Variants in CSMD1 observed in about 807,000 individuals in gnomAD.
CSMD1 encodes CUB and sushi domain-containing protein 1.
In CSMD1, 213 loss-of-function variants were observed where a neutral mutation model predicts 417.5. The observed-to-expected ratio is 0.51, with a 90% confidence interval of 0.46 to 0.57. The LOEUF (loss-of-function observed/expected upper bound fraction) is 0.57, where lower values mean the gene tolerates loss of function less well. Ranked by LOEUF, CSMD1 falls within the 20% of genes least tolerant of loss-of-function variation. The pLI, the probability that CSMD1 is intolerant of heterozygous loss-of-function variation, is 0.00. For synonymous variants in CSMD1, 2,862 were observed against 1,736.8 expected (o/e 1.65, Z -16.11); for missense variants, 6,923 against 4,529.7 (o/e 1.53, Z -15.17).
chr8:3,099,985 T>C (rs1015683147), intron 46 of CSMD1, among the ~76,000 whole-genome samples: 1 of 152,196 alleles, frequency 6.6e-6, no homozygotes, highest in African/African-American at 2.4e-5. Context: ...TTTTCAGTCA[T>C]ACATATTGTT....
chr8:3,576,611 A>C lies in CSMD1; in HGVS notation c.1223-1545T>G, dbSNP rs551835851. Among the ~76,000 whole-genome samples, 9 of 152,366 alleles carry C rather than the reference A, an allele frequency of 5.9e-5. No individual in the cohort carries two copies. In the South Asian group the frequency reaches 1.9e-3, roughly 32 times the overall value. On this transcript the variant is annotated intron_variant, in intron 9 of 69. Transcript: ENST00000635120. ...TAAAATGCTGGCATTTACTGTCCAA[A>C]TGAAAAACAAACATGGGTAAAACAT...
intron 3 of CSMD1, among the ~76,000 whole-genome samples, chr8:4,042,016 A>T (rs1393618214): frequency 1.3e-5 from 2 of 152,232 alleles, no homozygotes; most frequent in Admixed American, 6.5e-5. Flanking sequence ...CTAAGAGCAC[A>T]GAGAATCAAT....
chr8:3,629,862 T>C (rs1796690262), intron 7 of CSMD1, among the ~76,000 whole-genome samples: 1 of 152,194 alleles, frequency 6.6e-6, no homozygotes, highest in Non-Finnish European at 1.5e-5. Context: ...CAAACAAAAC[T>C]AGTTGTACAG....
chr8:4,517,974 C>A (rs1446365090), intron 2 of CSMD1, among the ~76,000 whole-genome samples: 1 of 152,076 alleles, frequency 6.6e-6, no homozygotes, highest in Admixed American at 6.6e-5. Flanking sequence ...AAATTCTAAA[C>A]CTGTTCTATT....
chr8:4,877,341 A>T (rs1803106757), intron 1 of CSMD1, among the ~76,000 whole-genome samples: 1 of 152,104 alleles, frequency 6.6e-6, no homozygotes, highest in Non-Finnish European at 1.5e-5. Context: ...GGGTTAAGAT[A>T]AATTATGTTA....
At chr8:4,514,221 G>A (rs1371022251) in intron 2 of CSMD1, among the ~76,000 whole-genome samples, 3 of 152,124 alleles carry the variant, frequency 2.0e-5, no homozygotes, top group African/African-American at 7.2e-5. Flanking sequence ...AGGGGATGGG[G>A]AGGTTTCCTC....
intron 3 of CSMD1, among the ~76,000 whole-genome samples, chr8:4,216,989 CTTCT>C (rs1800719346): frequency 6.6e-6 from 1 of 152,140 alleles, no homozygotes; most frequent in Non-Finnish European, 1.5e-5. Flanking sequence ...ACGGTTAAGA[CTTCT>C]CTAACTAGAA....
intron 7 of CSMD1, among the ~76,000 whole-genome samples, chr8:3,637,802 G>A (rs187750806): frequency 1.3e-5 from 2 of 152,264 alleles, no homozygotes; most frequent in African/African-American, 2.4e-5. Context: ...GGACCCAGTG[G>A]GAAGTAATTG....
At chr8:4,134,247 T>C (rs1585389317) in intron 3 of CSMD1, among the ~76,000 whole-genome samples, 6 of 152,320 alleles carry the variant, frequency 3.9e-5, no homozygotes, top group Admixed American at 3.3e-4. Context: ...CGTATGCTGA[T>C]ATATTAAATG....
rs1169161674 is a variant in CSMD1 at position 4,062,845 on chromosome 8, A to G, written c.416-30746T>C. Among the ~76,000 whole-genome samples, 4 of 152,084 alleles carry G rather than the reference A, an allele frequency of 2.6e-5. No individual in the cohort carries two copies. The East Asian group carries it at 7.7e-4, about 29-fold the overall frequency. ...TTAGGTCTTTGTGTGTCAAAACCCTACCAGCCAAGAGAAATGAAAGCCTGT... is the reference window on the plus strand; with the variant it reads ...TTAGGTCTTTGTGTGTCAAAACCCTGCCAGCCAAGAGAAATGAAAGCCTGT... On this transcript the variant is annotated intron_variant, in intron 3 of 69. Coordinates refer to ENST00000635120, the MANE Select transcript of CSMD1 (RefSeq NM_033225.6).
At position 3,493,064 on chromosome 8, in the gene CSMD1, T is replaced by G. The variant is rs1289999029; in HGVS notation, c.1448+559A>C. ...TCCCCAACACTTTGGGAGGCTGAAG[T>G]GGGCAAATCACCAGAGGTCAGGAGT... On this transcript the variant is annotated intron_variant, in intron 11 of 69. Coordinates refer to ENST00000635120, the MANE Select transcript of CSMD1 (RefSeq NM_033225.6). Among the ~76,000 whole-genome samples, 4 of 152,082 alleles carry G rather than the reference T, an allele frequency of 2.6e-5. No homozygotes were observed. In the East Asian group the frequency reaches 5.8e-4, roughly 22 times the overall value.
chr8:3,902,506 C>T (rs1807823444), intron 5 of CSMD1, among the ~76,000 whole-genome samples: 1 of 152,082 alleles, frequency 6.6e-6, no homozygotes, highest in African/African-American at 2.4e-5. Flanking sequence ...GAAACTTCCA[C>T]CTGAGATCAT....
At chr8:3,572,578 T>C (rs1278727738) in intron 10 of CSMD1, among the ~76,000 whole-genome samples, 2 of 152,214 alleles carry the variant, frequency 1.3e-5, no homozygotes, top group Non-Finnish European at 2.9e-5. Context: ...ACCATTCCCT[T>C]GATTTGATCT....
Position 3,290,357 on chromosome 8 carries a change from T to C in CSMD1, c.3951-6011A>G, listed in dbSNP as rs996806195. 8.2e-5 allele frequency among the ~76,000 whole-genome samples: 12 copies of C among 146,948 alleles called. 2 individuals carry two copies. Among genetic ancestry groups the C allele is most frequent in the African/African-American group, 2.7e-4 (10 of 36,860 alleles). On this transcript the variant is annotated intron_variant, in intron 25 of 69. Coordinates refer to ENST00000635120, the MANE Select transcript of CSMD1 (RefSeq NM_033225.6). ...ACTTTAAAGTAGTTTTTTCTAATTC[T>C]GTGAAGAAAGTCATTGGTAACTTGA...
intron 1 of CSMD1, among the ~76,000 whole-genome samples, chr8:4,754,767 T>C (rs924517994): frequency 2.0e-5 from 3 of 152,100 alleles, no homozygotes; most frequent in African/African-American, 7.2e-5. Context: ...GAGATTCGTT[T>C]GAACCCAGGA....
At chr8:4,930,252 A>C (rs1807157901) in intron 1 of CSMD1, among the ~76,000 whole-genome samples, 3 of 152,192 alleles carry the variant, frequency 2.0e-5, no homozygotes, top group African/African-American at 7.2e-5. Context: ...CTAACTAATC[A>C]CACAAATATT....
intron 2 of CSMD1, among the ~76,000 whole-genome samples, chr8:4,459,747 G>C (rs558475500): frequency 4.1e-4 from 62 of 152,298 alleles, no homozygotes; most frequent in African/African-American, 1.4e-3. Flanking sequence ...ATTTATTAGT[G>C]ATTCAGCCTC....
Position 4,212,227 on chromosome 8 carries a change from T to C in CSMD1, c.416-180128A>G, listed in dbSNP as rs148605218. On this transcript the variant is annotated intron_variant, in intron 3 of 69. Transcript: ENST00000635120. ...CTCTCCATGTTGTTTTAACTTATTA[T>C]ACCTTAGCTAATTTTGCATCCTTTA... is the stretch of plus-strand genomic sequence containing the variant. 1.6e-3 allele frequency among the ~76,000 whole-genome samples: 242 copies of C among 151,256 alleles called. 1 individual carries two copies. Among genetic ancestry groups the C allele is most frequent in the African/African-American group, 5.5e-3 (227 of 41,354 alleles).
chr8:4,479,580 A>C (rs1800977851), intron 2 of CSMD1, among the ~76,000 whole-genome samples: 1 of 152,142 alleles, frequency 6.6e-6, no homozygotes, highest in Non-Finnish European at 1.5e-5. Context: ...TTTTTCTCTA[A>C]AATTTTAGTT....
Sources: allele counts gnomAD v4.1 joint callset (sites outside exome capture counted in the v4.1 genomes callset), GRCh38; gene constraint gnomAD v4.1.1; transcripts MANE v1.5; gene names NCBI Gene and HGNC (gene_info 2026-07-23, HGNC 2026-07-21).